The following PRDX6 variants were observed in gnomAD, a reference collection of about 807,000 sequenced individuals.
The protein encoded by PRDX6 is peroxiredoxin 6, also known as peroxiredoxin-6.
PRDX6 carries 13 observed loss-of-function variants against 20.0 expected under a neutral mutation model. That is an observed-to-expected ratio of 0.65 (90% CI 0.42 to 1.03). The LOEUF is 1.03. Ranked by LOEUF, PRDX6 falls within the 50% of genes least tolerant of loss-of-function variation. PRDX6 has a pLI of 0.00. For synonymous variants in PRDX6, 85 were observed against 100.8 expected, an observed-to-expected ratio of 0.84 and a Z score of 0.94; for missense variants, 203 against 276.9, an observed-to-expected ratio of 0.73 and a Z score of 1.89.
At position 173,487,983 on chromosome 1, in the gene PRDX6, C is replaced by G. The variant is rs1658929025; in HGVS notation, c.*120C>G. On this transcript the variant is annotated 3_prime_UTR_variant, in exon 5 of 5. Transcript: ENST00000340385. ...CAGCCAAGGTTTTTAGGTTGCTATA[C>G]CAATGGCTTATTAAATGAAAATGGC... 2.5e-6 allele frequency: 3 copies of G among 1,219,110 alleles called. No homozygotes were observed. Among genetic ancestry groups the G allele is most frequent in the Non-Finnish European group, 3.4e-6 (3 of 879,524 alleles). 75.5% of individuals were successfully genotyped at this position (1,219,110 alleles called of 1,614,324 possible). A position where few individuals can be genotyped will look rare whatever the true frequency, so the allele number is the denominator to read the frequency against.
chr1:173,483,698 A>G (rs1488882396), intron 2 of PRDX6, among the ~76,000 whole-genome samples: 1 of 152,174 alleles, frequency 6.6e-6, no homozygotes, highest in Non-Finnish European at 1.5e-5. Context: ...CACACAATAG[A>G]CGTTATTCCA....
chr1:173,487,881 G>C lies in PRDX6; in HGVS notation c.*18G>C. The C allele has an allele frequency of 1.2e-6, 2 of 1,611,594 alleles. No individual in the cohort carries two copies. The highest frequency in any genetic ancestry group is 2.7e-5 in the African/African-American group (2 of 74,936). On this transcript the variant is annotated 3_prime_UTR_variant, in exon 5 of 5. Coordinates refer to ENST00000340385, the MANE Select transcript of PRDX6 (RefSeq NM_004905.3). ...AGCCTTAAGTCTCTTGGAGAAGCTG[G>C]TGCTGTGAGCCAGAGGATGTCAGCT...
intron 2 of PRDX6, among the ~76,000 whole-genome samples, chr1:173,483,019 A>G (rs138768515): frequency 6.6e-6 from 1 of 152,354 alleles, no homozygotes; most frequent in Admixed American, 6.5e-5. Context: ...CTAATTTAGG[A>G]TAGAATAAAG....
At position 173,487,302 on chromosome 1, in the gene PRDX6, C is replaced by T. The variant is rs184599397; in HGVS notation, c.547-433C>T. Among the ~76,000 whole-genome samples, 601 of 152,260 alleles carry T rather than the reference C, an allele frequency of 3.9e-3. 3 individuals are homozygous for T. The highest frequency in any genetic ancestry group is 0.014 in the Middle Eastern group (4 of 294). On this transcript the variant is annotated intron_variant, in intron 4 of 4. Coordinates refer to ENST00000340385, the MANE Select transcript of PRDX6 (RefSeq NM_004905.3). ...CATGTATACTTGTGAGGGACGAGCACTATAGGCAGAAGGAGCAGTTAGTGC... is the reference window on the plus strand; with the variant it reads ...CATGTATACTTGTGAGGGACGAGCATTATAGGCAGAAGGAGCAGTTAGTGC...
At chr1:173,478,274 TTC>T (rs943367327) in intron 1 of PRDX6, among the ~76,000 whole-genome samples, 3 of 152,164 alleles carry the variant, frequency 2.0e-5, no homozygotes, top group African/African-American at 7.2e-5. Flanking sequence ...GGGAAGGACT[TTC>T]TGACGCTGTT....
intron 4 of PRDX6, among the ~76,000 whole-genome samples, chr1:173,486,794 T>G (rs960156636): frequency 6.6e-6 from 1 of 152,212 alleles, no homozygotes. Flanking sequence ...CATTAAGTAT[T>G]TAATTTCTCT....
intron 1 of PRDX6, 101 bp downstream of exon 1, chr1:173,477,593 C>T (rs1312432928): frequency 1.0e-6 from 1 of 971,348 alleles, no homozygotes; most frequent in Non-Finnish European, 1.5e-6. Flanking sequence ...CCGCTCAGCC[C>T]CCTGCGCCGC....
At position 173,488,305 on chromosome 1, in the gene PRDX6, A is replaced by G. The variant is rs1658935131; in HGVS notation, c.*442A>G. On this transcript the variant is annotated 3_prime_UTR_variant, in exon 5 of 5. Transcript: ENST00000340385. ...GTTCAACTTCCTCTGTAAATATCCA[A>G]GTATAAAGCCCAGGAACTTCTAGAA... 6.5e-6 allele frequency: 1 copy of G among 154,602 alleles called. No individual in the cohort carries two copies. Among genetic ancestry groups the G allele is most frequent in the African/African-American group, 2.4e-5 (1 of 41,488 alleles). The allele number at this position is 154,602 out of a possible 1,614,324, so 9.6% of individuals were successfully genotyped here.
intron 1 of PRDX6, among the ~76,000 whole-genome samples, chr1:173,477,879 G>A (rs1428903435): frequency 2.6e-5 from 4 of 152,208 alleles, no homozygotes; most frequent in Admixed American, 1.3e-4. Context: ...CAGGTAGCGT[G>A]GTCAGGCCGA....
In PRDX6 at chr1:173,485,954, A is replaced by G. The variant is rs555352915; in HGVS notation, c.400-301A>G. Among the ~76,000 whole-genome samples the G allele has an allele frequency of 5.9e-5, 9 of 152,330 alleles. No homozygotes were observed. The East Asian group carries it at 1.7e-3, about 29-fold the overall frequency. On this transcript the variant is annotated intron_variant, in intron 3 of 4. Transcript: ENST00000340385. ...AACAATATCAACTCCCATTAGTATT[A>G]TTTTTATGATAGTCATCCCCAATTG...
At chr1:173,485,329 G>T in intron 2 of PRDX6, 32 bp from the exon 3 acceptor site, 2 of 1,535,650 alleles carry the variant, frequency 1.3e-6, no homozygotes, top group Non-Finnish European at 8.8e-7. Context: ...GTTGGGTTTA[G>T]ATTCCTCTTT....
At chr1:173,484,964 T>A (rs1469102913) in intron 2 of PRDX6, among the ~76,000 whole-genome samples, 1 of 152,122 alleles carries the variant, frequency 6.6e-6, no homozygotes, top group Non-Finnish European at 1.5e-5. Context: ...TATTTCTAGA[T>A]GTGATGGATT....
chr1:173,487,606 A>G, intron 4 of PRDX6, 129 bp from the exon 5 acceptor site: 1 of 1,041,840 alleles, frequency 9.6e-7, no homozygotes. Flanking sequence ...AAATCCTCAC[A>G]GAGGGGAGAG....
intron 2 of PRDX6, among the ~76,000 whole-genome samples, chr1:173,484,149 T>A (rs1343601896): frequency 6.2e-5 from 7 of 113,020 alleles, no homozygotes; most frequent in Admixed American, 8.2e-5. Context: ...TAGATATATA[T>A]ATTTATATAT....
chr1:173,484,034 C>T (rs1441779821), intron 2 of PRDX6, among the ~76,000 whole-genome samples: 1 of 146,238 alleles, frequency 6.8e-6, no homozygotes, highest in East Asian at 2.0e-4. Context: ...ACCTGGGAGG[C>T]GGAGGTTGCA....
Position 173,487,868 on chromosome 1 carries a change from C to G in PRDX6, c.*5C>G. On this transcript the variant is annotated 3_prime_UTR_variant, in exon 5 of 5. Transcript: ENST00000340385. The stretch of plus-strand genomic sequence containing the variant: ...CGCTACACACCCCAGCCTTAAGTCT[C>G]TTGGAGAAGCTGGTGCTGTGAGCCA... 6.2e-7 allele frequency: 1 copy of G among 1,612,176 alleles called. No homozygotes were observed.
At chr1:173,483,661 C>G (rs1658842261) in intron 2 of PRDX6, among the ~76,000 whole-genome samples, 1 of 152,196 alleles carries the variant, frequency 6.6e-6, no homozygotes, top group South Asian at 2.1e-4. Flanking sequence ...GCTATGCCAT[C>G]AAGCCCCTGT....
Position 173,477,377 on chromosome 1 carries a change from C to G in PRDX6, c.-21C>G, listed in dbSNP as rs1311151099. 6.3e-7 allele frequency: 1 copy of G among 1,591,618 alleles called. No homozygotes were observed. The highest frequency in any genetic ancestry group is 1.4e-5 in the African/African-American group (1 of 73,178). ...AACCGGTTGCTTGCTGTCCCAGCGGCGCCCCCTCATCACCGTCGCCATGCC... is the reference window on the plus strand; with the variant it reads ...AACCGGTTGCTTGCTGTCCCAGCGGGGCCCCCTCATCACCGTCGCCATGCC... On this transcript the variant is annotated 5_prime_UTR_variant, in exon 1 of 5. Transcript: ENST00000340385.
chr1:173,485,421 G>C lies in PRDX6; in HGVS notation c.313G>C (p.Asp105His), dbSNP rs748067892. The C allele has an allele frequency of 1.2e-6, 2 of 1,610,670 alleles. No individual in the cohort carries two copies. Among genetic ancestry groups the C allele is most frequent in the South Asian group, 2.2e-5 (2 of 90,256 alleles). Residue 105 changes from aspartate (D) to histidine (H), a missense_variant, in exon 3 of 5, where the codon GAT becomes CAT. Physicochemically the swap from Asp to His is moderately conservative, Grantham distance 81 (BLOSUM62 -1). Transcript: ENST00000340385. ...TEKLPFPIID[D>H]RNRELAILLG... The stretch of plus-strand genomic sequence containing the variant: ...AAAGTTACCTTTTCCCATCATCGAT[G>C]ATAGGAATCGGGAGCTTGCCATCCT...
Sources: allele counts gnomAD v4.1 joint callset (sites outside exome capture counted in the v4.1 genomes callset), GRCh38; gene constraint gnomAD v4.1.1; transcripts MANE v1.5; gene names NCBI Gene and HGNC (gene_info 2026-07-23, HGNC 2026-07-21).